The following ARID4B variants were observed in gnomAD, a reference collection of about 807,000 sequenced individuals.
ARID4B encodes AT-rich interactive domain-containing protein 4B.
ARID4B carries 26 observed loss-of-function variants against 147.5 expected under a neutral mutation model. That is an observed-to-expected ratio of 0.18 (90% CI 0.13 to 0.24). The LOEUF is 0.24. ARID4B is among the 10% of genes least tolerant of loss of function. ARID4B has a pLI of 1.00. For synonymous variants in ARID4B, 512 were observed against 507.9 expected, an observed-to-expected ratio of 1.01 and a Z score of -0.11; for missense variants, 1,179 against 1,511.5, an observed-to-expected ratio of 0.78 and a Z score of 3.65.
intron 2 of ARID4B, among the ~76,000 whole-genome samples, chr1:235,281,468 T>C (rs1238642233): frequency 7.4e-6 from 1 of 135,748 alleles, no homozygotes; most frequent in Middle Eastern, 3.4e-3. Flanking sequence ...CAAGAATCGA[T>C]TGAACCCAAG....
chr1:235,260,596 T>C (rs747452382), intron 3 of ARID4B, 46 bp downstream of exon 3: 4 of 1,391,972 alleles, frequency 2.9e-6, no homozygotes, highest in Non-Finnish European at 3.9e-6. Flanking sequence ...AAAGTTTACA[T>C]ATCAAATGCT....
Position 235,182,797 on chromosome 1 carries a change from G to A in ARID4B, c.2126-4C>T. On this transcript the variant is annotated splice_region_variant and splice_polypyrimidine_tract_variant and intron_variant, in intron 19 of 23. Coordinates refer to ENST00000264183, the MANE Select transcript of ARID4B (RefSeq NM_016374.6). Reference sequence around the variant, plus strand: ...TCTTCAGCAGAACTTTCAGAAGCTAGAAAATAACAGAAAAAAAAATGATGA... The same window carrying A: ...TCTTCAGCAGAACTTTCAGAAGCTAAAAAATAACAGAAAAAAAAATGATGA... 1.3e-6 allele frequency: 2 copies of A among 1,560,690 alleles called. No homozygotes were observed. Among genetic ancestry groups the A allele is most frequent in the South Asian group, 1.2e-5 (1 of 82,502 alleles).
intron 21 of ARID4B, chr1:235,177,512 C>A (rs1341327810): frequency 4.7e-6 from 1 of 214,068 alleles, no homozygotes; most frequent in African/African-American, 2.3e-5. Flanking sequence ...TTCTAGGGTA[C>A]GTGTGCACAA....
chr1:235,289,299 C>CA (rs926867100), intron 2 of ARID4B, among the ~76,000 whole-genome samples: 35 of 151,780 alleles, frequency 2.3e-4, no homozygotes, highest in African/African-American at 6.8e-4. Context: ...TGCTCAATGG[C>CA]AAAAAAATAC....
chr1:235,310,818 A>G (rs890133536), intron 2 of ARID4B, among the ~76,000 whole-genome samples: 1 of 152,112 alleles, frequency 6.6e-6, no homozygotes, highest in African/African-American at 2.4e-5. Flanking sequence ...ATACAGTCAC[A>G]GGCCACCACT....
At chr1:235,315,838 C>T (rs1401554999) in intron 2 of ARID4B, among the ~76,000 whole-genome samples, 1 of 151,970 alleles carries the variant, frequency 6.6e-6, no homozygotes, top group Admixed American at 6.6e-5. Context: ...ATTGAATATG[C>T]AAAAGGTAAG....
chr1:235,274,740 T>C (rs1298629649), intron 2 of ARID4B, among the ~76,000 whole-genome samples: 1 of 152,202 alleles, frequency 6.6e-6, no homozygotes, highest in African/African-American at 2.4e-5. Context: ...ATAATTTGTG[T>C]AAAGAATATC....
chr1:235,213,920 C>T lies in ARID4B; in HGVS notation c.1690G>A (p.Glu564Lys). 6.2e-7 allele frequency: 1 copy of T among 1,614,050 alleles called. No homozygotes were observed. The highest frequency in any genetic ancestry group is 8.5e-7 in the Non-Finnish European group (1 of 1,179,946). ...DEDDDDNNEE[E>K]EFECYPPGMK... ...CCTGGTGGATAGCACTCAAACTCCT[C>T]TTCCTCATTGTTGTCATCATCATCT... The change falls in exon 17 of 24, where the codon GAG (glutamate) becomes AAG (lysine). Residue 564 changes from glutamate to lysine, a missense_variant. Around this residue, in one of 10 missense-constraint regions of ARID4B, gnomAD observed 204 missense variants for 210.9 expected, o/e 0.97. Coordinates refer to ENST00000264183, the MANE Select transcript of ARID4B (RefSeq NM_016374.6).
intron 2 of ARID4B, among the ~76,000 whole-genome samples, chr1:235,307,603 A>T (rs564821384): frequency 3.3e-5 from 5 of 152,348 alleles, no homozygotes; most frequent in African/African-American, 1.2e-4. Context: ...CAGATTGTAA[A>T]ACTTTTCTGA....
At chr1:235,267,454 C>CA (rs765628079) in intron 2 of ARID4B, among the ~76,000 whole-genome samples, 1 of 151,976 alleles carries the variant, frequency 6.6e-6, no homozygotes, top group African/African-American at 2.4e-5. Flanking sequence ...ATTTATATAC[C>CA]AAACAGTGTA....
At chr1:235,221,512 C>T in intron 14 of ARID4B, 53 bp downstream of exon 14, 1 of 1,049,054 alleles carries the variant, frequency 9.5e-7, no homozygotes, top group South Asian at 1.5e-5. Context: ...AAATTTCATC[C>T]TGCTTTCTAG....
intron 20 of ARID4B, chr1:235,181,104 C>T (rs530506585): frequency 2.0e-6 from 2 of 1,019,402 alleles, no homozygotes; most frequent in Non-Finnish European, 2.4e-6. Context: ...CAGTTTGACA[C>T]GGTTGTCTGA....
At chr1:235,321,096 A>G (rs1459518601) in intron 2 of ARID4B, among the ~76,000 whole-genome samples, 1 of 152,240 alleles carries the variant, frequency 6.6e-6, no homozygotes, top group African/African-American at 2.4e-5. Context: ...CGGTACAAGG[A>G]AAGTACACAA....
At chr1:235,286,629 T>C (rs975515301) in intron 2 of ARID4B, among the ~76,000 whole-genome samples, 1 of 152,154 alleles carries the variant, frequency 6.6e-6, no homozygotes, top group African/African-American at 2.4e-5. Context: ...AGAAGAGCTA[T>C]AGTGCATGAG....
At chr1:235,291,201 C>G (rs551013535) in intron 2 of ARID4B, among the ~76,000 whole-genome samples, 1 of 151,058 alleles carries the variant, frequency 6.6e-6, no homozygotes, top group African/African-American at 2.4e-5. Context: ...TCAAGACCAC[C>G]CTGGCTAACA....
chr1:235,279,035 C>T (rs1003784621), intron 2 of ARID4B, among the ~76,000 whole-genome samples: 4 of 152,124 alleles, frequency 2.6e-5, no homozygotes, highest in African/African-American at 9.7e-5. Flanking sequence ...CCTCAGCCTC[C>T]CAAAGTGCTG....
rs1041629319 is a variant in ARID4B, at chr1:235,293,855, C to T, written c.6+33059G>A. Among the ~76,000 whole-genome samples the T allele has an allele frequency of 3.3e-5, 5 of 152,144 alleles. No homozygotes were observed. In the South Asian group the frequency reaches 1.0e-3, roughly 32 times the overall value. Reference sequence around the variant, plus strand: ...GACTTTTAGGAAAAGATTCCTTTCTCCTCCACCAGAAAAATGCCTAGTTTG... The same window carrying T: ...GACTTTTAGGAAAAGATTCCTTTCTTCTCCACCAGAAAAATGCCTAGTTTG... On this transcript the variant is annotated intron_variant, in intron 2 of 23. Coordinates refer to ENST00000264183, the MANE Select transcript of ARID4B (RefSeq NM_016374.6).
chr1:235,248,440 G>A (rs1299550256), intron 6 of ARID4B, among the ~76,000 whole-genome samples: 2 of 152,118 alleles, frequency 1.3e-5, no homozygotes, highest in African/African-American at 4.8e-5. Context: ...TATCACTATA[G>A]AGTATTACTA....
chr1:235,266,378 T>C (rs1269303672), intron 2 of ARID4B, among the ~76,000 whole-genome samples: 3 of 152,088 alleles, frequency 2.0e-5, no homozygotes, highest in South Asian at 2.1e-4. Flanking sequence ...TTCTGATCAG[T>C]AGTATGGATC....
Sources: allele counts gnomAD v4.1 joint callset (sites outside exome capture counted in the v4.1 genomes callset), GRCh38; gene constraint gnomAD v4.1.1; regional missense constraint gnomAD v4.1.1; transcripts MANE v1.5; gene names NCBI Gene and HGNC (gene_info 2026-07-23, HGNC 2026-07-21).